Variants in CHN2 observed in about 807,000 individuals in gnomAD.
CHN2 encodes the protein beta-chimaerin.
Under a neutral mutation model 56.3 loss-of-function variants are expected in CHN2, and 35 were observed. The observed-to-expected ratio is 0.62, with a 90% CI of 0.47 to 0.82. The LOEUF is 0.82. CHN2 is among the 40% of genes least tolerant of loss of function. CHN2 has a pLI of 0.00. For synonymous variants in CHN2, 210 were observed against 212.8 expected, an observed-to-expected ratio of 0.99 and a Z score of 0.12; for missense variants, 491 against 580.5, an observed-to-expected ratio of 0.85 and a Z score of 1.58.
At chr7:29,154,792 G>A (rs245899) in intron 2 of CHN2, among the ~76,000 whole-genome samples, 85,127 of 152,070 alleles carry the variant, frequency 0.56, 24,660 homozygotes, top group African/African-American at 0.72. Flanking sequence ...CCAAGATTAC[G>A]CCACTGCACT....
At chr7:29,201,464 T>C (rs1784156779) in intron 1 of CHN2, among the ~76,000 whole-genome samples, 1 of 152,062 alleles carries the variant, frequency 6.6e-6, no homozygotes, top group South Asian at 2.1e-4. Flanking sequence ...ATTTAATTAC[T>C]TAATACTTTC....
At chr7:29,219,630 T>C (rs245933) in intron 1 of CHN2, among the ~76,000 whole-genome samples, 62,732 of 152,040 alleles carry the variant, frequency 0.41, 13,306 homozygotes, top group East Asian at 0.55. Flanking sequence ...ATTTAAGATA[T>C]ACTATGTAGA....
At chr7:29,410,837 T>A (rs545756699) in intron 6 of CHN2, among the ~76,000 whole-genome samples, 76 of 152,172 alleles carry the variant, frequency 5.0e-4, no homozygotes, top group African/African-American at 1.5e-3. Flanking sequence ...ATTTGAGAAG[T>A]TTTTAAAGAA....
intron 2 of CHN2, among the ~76,000 whole-genome samples, chr7:29,356,331 T>C (rs1438091939): frequency 1.3e-5 from 2 of 152,066 alleles, no homozygotes; most frequent in East Asian, 1.9e-4. Flanking sequence ...CACACACACA[T>C]ATATAAATAT....
chr7:29,373,828 G>A (rs80319527), intron 3 of CHN2, among the ~76,000 whole-genome samples: 3,791 of 152,180 alleles, frequency 0.025, 172 homozygotes, highest in African/African-American at 0.086. Flanking sequence ...AACTAACTCA[G>A]TACATTTTGA....
chr7:29,432,933 C>T (rs986126307), intron 6 of CHN2, among the ~76,000 whole-genome samples: 4 of 152,252 alleles, frequency 2.6e-5, no homozygotes, highest in South Asian at 4.1e-4. Flanking sequence ...GCTGTAGCTC[C>T]GGCATTCTTC....
At chr7:29,244,280 A>C (rs1317775956) in intron 1 of CHN2, among the ~76,000 whole-genome samples, 1 of 152,214 alleles carries the variant, frequency 6.6e-6, no homozygotes, top group African/African-American at 2.4e-5. Context: ...GGCCCTGGGT[A>C]ACCCCTCTCA....
At chr7:29,169,529 C>G (rs1410051346) in intron 2 of CHN2, among the ~76,000 whole-genome samples, 1 of 152,102 alleles carries the variant, frequency 6.6e-6, no homozygotes, top group Non-Finnish European at 1.5e-5. Context: ...TTATCTTTCA[C>G]TTAAACAAGA....
intron 6 of CHN2, among the ~76,000 whole-genome samples, chr7:29,439,579 T>C (rs954103795): frequency 6.6e-6 from 1 of 152,048 alleles, no homozygotes; most frequent in Non-Finnish European, 1.5e-5. Context: ...TTCATCCACA[T>C]CCCCCATATG....
chr7:29,319,838 C>T (rs984076485), intron 1 of CHN2, among the ~76,000 whole-genome samples: 42 of 152,264 alleles, frequency 2.8e-4, no homozygotes, highest in African/African-American at 9.4e-4. Context: ...CCAAGCCCTT[C>T]GTCACATCTA....
At chr7:29,448,684 C>G (rs998310821) in intron 6 of CHN2, among the ~76,000 whole-genome samples, 2 of 152,178 alleles carry the variant, frequency 1.3e-5, no homozygotes, top group African/African-American at 4.8e-5. Context: ...ATTCCCTTTG[C>G]CTGAAATATT....
At chr7:29,183,952 T>C (rs1333603112) in intron 2 of CHN2, among the ~76,000 whole-genome samples, 1 of 152,090 alleles carries the variant, frequency 6.6e-6, no homozygotes, top group East Asian at 1.9e-4. Context: ...TACATAGCAT[T>C]TACATAGTAT....
At chr7:29,147,092 T>A in intron 2 of CHN2, 1 of 1,252,072 alleles carries the variant, frequency 8.0e-7, no homozygotes, top group South Asian at 1.5e-5. Flanking sequence ...CTAAGTGAGG[T>A]TAAGTAACCC....
intron 7 of CHN2, among the ~76,000 whole-genome samples, chr7:29,485,049 CT>C (rs1385050159): frequency 1.3e-5 from 2 of 151,684 alleles, no homozygotes; most frequent in African/African-American, 4.9e-5. Flanking sequence ...TATTCTTTGT[CT>C]CTTATCTTTA....
At chr7:29,254,104 C>T (rs1420827470) in intron 1 of CHN2, among the ~76,000 whole-genome samples, 1 of 152,124 alleles carries the variant, frequency 6.6e-6, no homozygotes, top group African/African-American at 2.4e-5. Context: ...GGGTTTTCAC[C>T]TTGTTGGTCA....
chr7:29,371,741 C>G (rs1388211870), intron 3 of CHN2, among the ~76,000 whole-genome samples: 1 of 152,174 alleles, frequency 6.6e-6, no homozygotes, highest in Non-Finnish European at 1.5e-5. Context: ...AGGCCCCGCT[C>G]CATTGGATGA....
chr7:29,392,461 G>A (rs1166758021), intron 3 of CHN2, among the ~76,000 whole-genome samples: 2 of 152,158 alleles, frequency 1.3e-5, no homozygotes, highest in Admixed American at 1.3e-4. Context: ...TTTGAACCTT[G>A]AAGATTAAGT....
rs548364054 is a variant in CHN2, at chr7:29,252,209, T to A, written c.49+57219T>A. ...AGGATTTTTTTTTTTTTTTTTTTTT[T>A]AGACAGTCTTGCTCTGTTGCCCAGG... On this transcript the variant is annotated intron_variant, in intron 1 of 12. Coordinates refer to ENST00000222792, the MANE Select transcript of CHN2 (RefSeq NM_004067.4). 4.6e-3 allele frequency among the ~76,000 whole-genome samples: 691 copies of A among 150,300 alleles called. 5 individuals carry two copies. Among genetic ancestry groups the A allele is most frequent in the African/African-American group, 0.016 (645 of 40,692 alleles).
Position 29,398,391 on chromosome 7 carries a change from T to C in CHN2, c.195T>C (p.Ser65=), listed in dbSNP as rs1801936501. 1 of 1,613,324 alleles carries C rather than the reference T, an allele frequency of 6.2e-7. No individual in the cohort carries two copies. The highest frequency in any genetic ancestry group is 2.2e-5 in the East Asian group (1 of 44,874). The change falls in exon 5 of 13, where the codon TCT becomes TCC. Residue 65 remains serine (S), a synonymous_variant. Transcript: ENST00000222792. ...YYGREFHGII[S]REQADELLGG... ...CCTTCAGGTTTCATGGGATCATCTCTCGGGAGCAGGCGGATGAGCTTCTTG... is the reference window on the plus strand; with the variant it reads ...CCTTCAGGTTTCATGGGATCATCTCCCGGGAGCAGGCGGATGAGCTTCTTG...
Sources: gnomAD v4.1 joint callset for allele counts (sites outside exome capture counted in the v4.1 genomes callset) on GRCh38, gnomAD v4.1.1 for gene constraint, MANE v1.5 for transcripts, NCBI Gene and HGNC (gene_info 2026-07-23, HGNC 2026-07-21) for gene names.